DSCAML1: variants seen among roughly 807,000 people sequenced by gnomAD.
DSCAML1 encodes DS cell adhesion molecule like 1, also known as cell adhesion molecule DSCAML1.
In DSCAML1, 38 loss-of-function variants were observed where a neutral mutation model predicts 200.5. The observed-to-expected ratio is 0.19, with a 90% CI of 0.15 to 0.25. The LOEUF (loss-of-function observed/expected upper bound fraction) is 0.25. Ranked by LOEUF, DSCAML1 falls within the 10% of genes least tolerant of loss-of-function variation. DSCAML1 has a pLI of 1.00. For missense variants in DSCAML1, 2,223 were observed against 2,858.8 expected (o/e 0.78, Z 5.07); for synonymous variants, 1,215 against 1,165.0 (o/e 1.04, Z -0.87).
intron 3 of DSCAML1, among the ~76,000 whole-genome samples, chr11:117,684,582 C>T (rs1322136575): frequency 1.3e-5 from 2 of 150,422 alleles, no homozygotes; most frequent in East Asian, 1.9e-4. Flanking sequence ...AAGGAGATGA[C>T]GGAGTTTCAT....
chr11:117,468,713 T>C (rs2048630571), intron 16 of DSCAML1, among the ~76,000 whole-genome samples: 2 of 152,192 alleles, frequency 1.3e-5, no homozygotes, highest in African/African-American at 4.8e-5. Context: ...CCTACCTCGC[T>C]TTCCTCTTGG....
At chr11:117,792,169 C>T (rs1256294258) in intron 1 of DSCAML1, among the ~76,000 whole-genome samples, 2 of 152,200 alleles carry the variant, frequency 1.3e-5, no homozygotes, top group Admixed American at 6.5e-5. Context: ...TGAGGCTCCA[C>T]CTCACCCCTT....
upstream of DSCAML1, chr11:117,800,889 T>A (rs895684226): frequency 6.6e-6 from 1 of 152,228 alleles, no homozygotes; most frequent in Non-Finnish European, 1.5e-5. Flanking sequence ...AATAAGCTTA[T>A]ATATTTTGGA....
intron 1 of DSCAML1, among the ~76,000 whole-genome samples, chr11:117,795,755 T>C (rs2055560576): frequency 6.6e-6 from 1 of 152,138 alleles, no homozygotes; most frequent in Non-Finnish European, 1.5e-5. Flanking sequence ...TGTATCGCAG[T>C]GGGCTCCGGC....
At chr11:117,721,753 A>G (rs888432798) in intron 3 of DSCAML1, among the ~76,000 whole-genome samples, 3 of 147,868 alleles carry the variant, frequency 2.0e-5, no homozygotes, top group African/African-American at 7.3e-5. Flanking sequence ...TCATATATAA[A>G]TACATCATAT....
chr11:117,438,015 G>T lies in DSCAML1; in HGVS notation c.4312C>A (p.Arg1438Ser). ...WKDVFISSSE[R>S]SFKLDSLKCG... ...TTGAGGCTGTCCAGCTTGAAGGAGCGCTCGCTGGAGCTGATGAACACATCC... is the reference window on the plus strand; with the variant it reads ...TTGAGGCTGTCCAGCTTGAAGGAGCTCTCGCTGGAGCTGATGAACACATCC... Residue 1438 changes from arginine (R) to serine (S), a missense_variant, in exon 25 of 33, where the codon CGC becomes AGC. By Grantham distance (110) the Arg-to-Ser change is moderately radical. This residue lies in a region of DSCAML1 where 614 missense variants were observed against 739.1 expected (regional missense o/e 0.83). Coordinates refer to ENST00000651296, the MANE Select transcript of DSCAML1 (RefSeq NM_020693.4). 6.2e-7 allele frequency: 1 copy of T among 1,614,094 alleles called. No homozygotes were observed. The highest frequency in any genetic ancestry group is 8.5e-7 in the Non-Finnish European group (1 of 1,180,004).
upstream of DSCAML1, among the ~76,000 whole-genome samples, chr11:117,799,833 C>T (rs575316772): frequency 1.1e-4 from 17 of 152,368 alleles, no homozygotes; most frequent in African/African-American, 3.6e-4. Flanking sequence ...CCATGGCTGA[C>T]GCATAGTGAG....
chr11:117,698,600 A>T (rs1565881087), intron 3 of DSCAML1, among the ~76,000 whole-genome samples: 1 of 151,698 alleles, frequency 6.6e-6, no homozygotes, highest in Non-Finnish European at 1.5e-5. Context: ...TTTTTTCTTT[A>T]AATAGTAGTC....
chr11:117,443,742 C>T (rs111351342), intron 21 of DSCAML1, 144 bp downstream of exon 21: 4 of 1,163,156 alleles, frequency 3.4e-6, no homozygotes, highest in Non-Finnish European at 4.8e-6. Context: ...TTGGTGTGTG[C>T]GGGAGGCAGG....
intron 3 of DSCAML1, among the ~76,000 whole-genome samples, chr11:117,585,498 C>T (rs935853009): frequency 3.3e-5 from 5 of 152,168 alleles, no homozygotes; most frequent in South Asian, 2.1e-4. Context: ...CCGCCCACCT[C>T]GGCCTCCGAA....
At chr11:117,459,027 G>T in intron 18 of DSCAML1, 118 bp from the exon 19 acceptor site, 2 of 1,345,426 alleles carry the variant, frequency 1.5e-6, no homozygotes, top group Non-Finnish European at 2.0e-6. Flanking sequence ...TCGACTCCAT[G>T]GTGGCGAGGA....
chr11:117,545,458 A>C (rs2050355893), intron 3 of DSCAML1, among the ~76,000 whole-genome samples: 1 of 152,202 alleles, frequency 6.6e-6, no homozygotes, highest in Non-Finnish European at 1.5e-5. Flanking sequence ...TATGGCAGCC[A>C]GAGAAAATGA....
Position 117,469,963 on chromosome 11 carries a change from TG to T in DSCAML1, c.2970del (p.Met991TrpfsTer8). On this transcript the variant is annotated frameshift_variant, in exon 16 of 33. Coordinates refer to ENST00000651296, the MANE Select transcript of DSCAML1 (RefSeq NM_020693.4). LOFTEE classifies it high-confidence loss of function. This position sits in a 1 kb window ranked among gnomAD's most constrained non-coding sequence, Gnocchi z 4.1. The part of the protein sequence containing the change: ...STEEAAPDGP[P>X]MDVTLQPVTS... ...GTCACTGGCTGCAAGGTAACATCCA[TG>T]GGGGGCCCATCGGGAGCTGAGCAGG... is the stretch of plus-strand genomic sequence containing the variant. 6.2e-7 allele frequency: 1 copy of T among 1,605,554 alleles called. No homozygotes were observed. Among genetic ancestry groups the T allele is most frequent in the Non-Finnish European group, 8.5e-7 (1 of 1,174,490 alleles).
intron 3 of DSCAML1, among the ~76,000 whole-genome samples, chr11:117,554,910 A>G (rs1197689298): frequency 6.6e-6 from 1 of 152,184 alleles, no homozygotes; most frequent in African/African-American, 2.4e-5. Flanking sequence ...AGCCAAATGC[A>G]GTTCTAATGG....
chr11:117,457,234 C>T (rs185443653), intron 19 of DSCAML1, among the ~76,000 whole-genome samples: 2 of 152,202 alleles, frequency 1.3e-5, no homozygotes, highest in African/African-American at 2.4e-5. Flanking sequence ...GCTTTGGGCC[C>T]GGGCTCCTGC....
intron 8 of DSCAML1, among the ~76,000 whole-genome samples, chr11:117,511,591 G>A (rs2049618537): frequency 6.6e-6 from 1 of 152,158 alleles, no homozygotes; most frequent in Non-Finnish European, 1.5e-5. Flanking sequence ...CATCCCTGCA[G>A]CCTGGCTCTC....
chr11:117,569,371 G>T (rs1284603136), intron 3 of DSCAML1, among the ~76,000 whole-genome samples: 1 of 152,210 alleles, frequency 6.6e-6, no homozygotes, highest in African/African-American at 2.4e-5. Context: ...TTGACAAATG[G>T]GATCTAATTA....
intron 5 of DSCAML1, among the ~76,000 whole-genome samples, chr11:117,522,007 G>A (rs55753209): frequency 0.038 from 5,720 of 152,282 alleles, 160 homozygotes; most frequent in Middle Eastern, 0.068. Context: ...AATTCAGCAT[G>A]GCATTTGAGG....
chr11:117,437,250 T>C lies in DSCAML1; in HGVS notation c.4592A>G (p.Asn1531Ser), dbSNP rs1250125044. 3 of 1,614,202 alleles carry C rather than the reference T, an allele frequency of 1.9e-6. No individual in the cohort carries two copies. Among genetic ancestry groups the C allele is most frequent in the East Asian group, 2.2e-5 (1 of 44,876 alleles). The change falls in exon 26 of 33, where the codon AAC (asparagine) becomes AGC (serine). Residue 1531 changes from asparagine (N) to serine (S), a missense_variant. Around this residue, in one of 7 missense-constraint regions of DSCAML1, gnomAD observed 614 missense variants for 739.1 expected, o/e 0.83. Transcript: ENST00000651296. This position sits in a 1 kb window ranked among gnomAD's most constrained non-coding sequence, Gnocchi z 5.3. ...CGTCAGAAACACCTCCCCGGAGCTG[T>C]TGGCCCGGAGGCCCTGCCAGGCCCA... The part of the protein sequence containing the change: ...GTWAWQGLRA[N>S]SSGEVFLTEL...
Sources: allele counts gnomAD v4.1 joint callset (sites outside exome capture counted in the v4.1 genomes callset), GRCh38; gene constraint gnomAD v4.1.1; regional missense constraint gnomAD v4.1.1; non-coding constraint Gnocchi (gnomAD v3.1); transcripts MANE v1.5; gene names NCBI Gene and HGNC (gene_info 2026-07-23, HGNC 2026-07-21).